ZFHX3: variants seen among roughly 807,000 people sequenced by gnomAD.
ZFHX3 encodes the protein zinc finger homeobox 3.
Under a neutral mutation model 279.1 loss-of-function variants are expected in ZFHX3, and 42 were observed. The observed-to-expected ratio is 0.15, with a 90% CI of 0.12 to 0.19. ZFHX3 has a LOEUF of 0.19. Ranked by LOEUF, ZFHX3 falls within the 10% of genes least tolerant of loss-of-function variation. The pLI, the probability that ZFHX3 is intolerant of heterozygous loss-of-function variation, is 1.00. For missense variants in ZFHX3, 4,981 were observed against 4,754.0 expected, an observed-to-expected ratio of 1.05 and a Z score of -1.40; for synonymous variants, 2,293 against 1,957.8, an observed-to-expected ratio of 1.17 and a Z score of -4.52.
At chr16:72,950,415 C>T (rs575081862) in intron 3 of ZFHX3, 54 bp downstream of exon 3, 77 of 1,583,058 alleles carry the variant, frequency 4.9e-5, no homozygotes, top group African/African-American at 1.2e-4. Flanking sequence ...CTCCCCGGTG[C>T]GCAACCCCCT....
chr16:73,531,200 C>T (rs999040646), intron 2 of ZFHX3, among the ~76,000 whole-genome samples: 7 of 152,324 alleles, frequency 4.6e-5, no homozygotes, highest in Non-Finnish European at 8.8e-5. Flanking sequence ...ACAGCCTTGG[C>T]CACCCTTCTT....
chr16:72,966,443 G>C (rs1292853677), intron 1 of ZFHX3, among the ~76,000 whole-genome samples: 1 of 152,192 alleles, frequency 6.6e-6, no homozygotes. Flanking sequence ...AGTTTTACTT[G>C]ATGACAAACT....
chr16:73,243,963 T>G (rs934428206), intron 5 of ZFHX3, among the ~76,000 whole-genome samples: 1 of 152,136 alleles, frequency 6.6e-6, no homozygotes, highest in Non-Finnish European at 1.5e-5. Flanking sequence ...ACGCCTCAAG[T>G]GCTTGGTCTC....
At chr16:73,850,341 C>T (rs1361867700) in intron 1 of ZFHX3, among the ~76,000 whole-genome samples, 1 of 152,144 alleles carries the variant, frequency 6.6e-6, no homozygotes, top group Admixed American at 6.5e-5. Context: ...GCGCTGGGAA[C>T]AGAGAAAATA....
intron 2 of ZFHX3, among the ~76,000 whole-genome samples, chr16:73,636,115 C>T (rs1037076145): frequency 1.3e-5 from 2 of 152,168 alleles, no homozygotes; most frequent in African/African-American, 4.8e-5. Context: ...ATTTTCAGAT[C>T]TGCTCCTATA....
chr16:73,718,333 C>T (rs868162848), intron 1 of ZFHX3, among the ~76,000 whole-genome samples: 1 of 152,048 alleles, frequency 6.6e-6, no homozygotes, highest in African/African-American at 2.4e-5. Flanking sequence ...ATCACTTGAA[C>T]CCAGGAGGTG....
At chr16:73,126,442 T>C (rs546771959) in intron 7 of ZFHX3, among the ~76,000 whole-genome samples, 1 of 152,198 alleles carries the variant, frequency 6.6e-6, no homozygotes, top group East Asian at 1.9e-4. Flanking sequence ...GTACTGGATG[T>C]GTCAAGCGGG....
At chr16:73,762,895 T>C (rs1326347410) in intron 1 of ZFHX3, among the ~76,000 whole-genome samples, 1 of 152,126 alleles carries the variant, frequency 6.6e-6, no homozygotes, top group Non-Finnish European at 1.5e-5. Flanking sequence ...ACCTAGGTGA[T>C]GGGTTGATAG....
rs190160702 is a variant in ZFHX3 at position 73,523,694 on chromosome 16, A to T, written c.-1546-67436T>A. ...ATAAAGAAAATAAAGGAGATGGATA[A>T]AGTCTTTTCTCTTTCACTTCTTCCT... On this transcript the variant is annotated intron_variant, in intron 2 of 17. Transcript: ENST00000641206. Among the ~76,000 whole-genome samples the T allele has an allele frequency of 1.8e-3, 278 of 151,678 alleles. 3 individuals are homozygous for T. Among genetic ancestry groups the T allele is most frequent in the African/African-American group, 6.2e-3 (258 of 41,344 alleles).
chr16:72,820,503 A>G (rs1158663731), intron 5 of ZFHX3, among the ~76,000 whole-genome samples: 1 of 152,150 alleles, frequency 6.6e-6, no homozygotes, highest in Non-Finnish European at 1.5e-5. Context: ...AATTATAGGC[A>G]CTGGACTGCC....
chr16:73,097,027 T>C (rs1011787658), intron 7 of ZFHX3, among the ~76,000 whole-genome samples: 2 of 151,904 alleles, frequency 1.3e-5, no homozygotes, highest in Non-Finnish European at 2.9e-5. Flanking sequence ...TCTTCTCTTC[T>C]CTTTCTCTGT....
chr16:73,014,822 C>T (rs1398632056), intron 1 of ZFHX3, among the ~76,000 whole-genome samples: 1 of 151,664 alleles, frequency 6.6e-6, no homozygotes, highest in Non-Finnish European at 1.5e-5. Flanking sequence ...TATGTGGTAA[C>T]TTCTTACGGC....
intron 7 of ZFHX3, among the ~76,000 whole-genome samples, chr16:73,099,871 G>A (rs746402136): frequency 4.6e-5 from 7 of 152,108 alleles, no homozygotes; most frequent in Non-Finnish European, 1.0e-4. Flanking sequence ...GCCATGCCTT[G>A]GATTATCTTG....
chr16:73,225,248 T>A (rs1018233050), intron 5 of ZFHX3, among the ~76,000 whole-genome samples: 2 of 152,180 alleles, frequency 1.3e-5, no homozygotes, highest in Non-Finnish European at 2.9e-5. Flanking sequence ...AATATGACTG[T>A]CTACAATAGA....
chr16:73,221,885 A>G (rs1474280390), intron 5 of ZFHX3, among the ~76,000 whole-genome samples: 1 of 152,154 alleles, frequency 6.6e-6, no homozygotes, highest in Admixed American at 6.5e-5. Flanking sequence ...CATACCTTTA[A>G]GTATCACTTC....
chr16:72,965,924 TACTTAG>T (rs1335251132), intron 1 of ZFHX3, among the ~76,000 whole-genome samples: 3 of 152,324 alleles, frequency 2.0e-5, no homozygotes, highest in African/African-American at 7.2e-5. Flanking sequence ...AAAATACCCT[TACTTAG>T]ACTTAATGAT....
chr16:73,767,317 C>T (rs948844031), intron 1 of ZFHX3, among the ~76,000 whole-genome samples: 2 of 152,094 alleles, frequency 1.3e-5, no homozygotes, highest in Non-Finnish European at 2.9e-5. Context: ...CATAATAATG[C>T]TTTATCAAGA....
At position 73,152,633 on chromosome 16, in the gene ZFHX3, T is replaced by C. The variant is rs535710274; in HGVS notation, c.-1103-8802A>G. ...TAGCATTTTTCTTTCTTTTTTTTTTTCTCACGTGATTGGAATTAATAATGC... is the reference window on the plus strand; with the variant it reads ...TAGCATTTTTCTTTCTTTTTTTTTTCCTCACGTGATTGGAATTAATAATGC... On this transcript the variant is annotated intron_variant, in intron 5 of 17. Coordinates refer to the ZFHX3 transcript ENST00000641206. Among the ~76,000 whole-genome samples, 82 of 142,428 alleles carry C rather than the reference T, an allele frequency of 5.8e-4. 1 individual carries two copies. The East Asian group carries it at 7.8e-3, about 14-fold the overall frequency. The allele number at this position is 142,428 out of a possible 152,430, so 93.4% of individuals were successfully genotyped here.
At chr16:73,091,899 A>G (rs1334814390) in intron 8 of ZFHX3, among the ~76,000 whole-genome samples, 1 of 152,208 alleles carries the variant, frequency 6.6e-6, no homozygotes, top group Non-Finnish European at 1.5e-5. Context: ...CAATACATTC[A>G]GTATTCAGGA....
Sources: gnomAD v4.1 joint callset for allele counts (sites outside exome capture counted in the v4.1 genomes callset) on GRCh38, gnomAD v4.1.1 for gene constraint, MANE v1.5 for transcripts, NCBI Gene and HGNC (gene_info 2026-07-23, HGNC 2026-07-21) for gene names.